The following GDA variants were observed in gnomAD, a reference collection of about 807,000 sequenced individuals.
The protein encoded by GDA is cytoplasmic PSD-95 interactor.
GDA carries 18 observed loss-of-function variants against 59.6 expected under a neutral mutation model. The observed-to-expected ratio is 0.30, with a 90% CI of 0.21 to 0.45. GDA has a LOEUF of 0.45. Among genes scored for constraint, GDA ranks in the 20% least tolerant of loss-of-function variants. The probability of loss-of-function intolerance (pLI) is 1.00; values close to 1 mark genes in which losing one functional copy is unlikely to be tolerated. For missense variants in GDA, 427 were observed against 552.3 expected (o/e 0.77, Z 2.27); for synonymous variants, 201 against 201.1 (o/e 1.00, Z 0.00).
chr9:72,200,281 C>G (rs1587613729), intron 2 of GDA, among the ~76,000 whole-genome samples: 1 of 152,130 alleles, frequency 6.6e-6, no homozygotes, highest in African/African-American at 2.4e-5. Flanking sequence ...CAGGCGTGAG[C>G]CACCGTGCCC....
chr9:72,177,026 AC>A (rs1830617332), intron 1 of GDA, among the ~76,000 whole-genome samples: 1 of 151,966 alleles, frequency 6.6e-6, no homozygotes, highest in Non-Finnish European at 1.5e-5. Context: ...TGACTGTGAA[AC>A]CTGAAATAAT....
At chr9:72,165,791 G>A (rs1829226977) in intron 1 of GDA, among the ~76,000 whole-genome samples, 2 of 129,264 alleles carry the variant, frequency 1.5e-5, no homozygotes, top group Non-Finnish European at 3.7e-5. Context: ...CCAGCTACTT[G>A]GGAGGCTGAG....
intron 1 of GDA, among the ~76,000 whole-genome samples, chr9:72,157,622 C>G (rs774247454): frequency 3.9e-5 from 6 of 152,188 alleles, no homozygotes; most frequent in Non-Finnish European, 5.9e-5. Flanking sequence ...TAAAATATAA[C>G]AGGAGACCCT....
At chr9:72,156,546 A>G (rs1827914032) in intron 1 of GDA, among the ~76,000 whole-genome samples, 1 of 152,170 alleles carries the variant, frequency 6.6e-6, no homozygotes. Context: ...CCCAATTATT[A>G]CAAGATCATC....
downstream of GDA, among the ~76,000 whole-genome samples, chr9:72,259,026 C>CTT (rs377688657): frequency 4.5e-4 from 63 of 140,020 alleles, no homozygotes; most frequent in South Asian, 7.0e-4. Flanking sequence ...AATAATAACT[C>CTT]TTTTTTTTTT....
chr9:72,203,810 CT>C (rs940083242), intron 3 of GDA, among the ~76,000 whole-genome samples: 193 of 146,348 alleles, frequency 1.3e-3, no homozygotes, highest in East Asian at 4.7e-3. Flanking sequence ...AAAGCAAGTG[CT>C]TTTTTTTTTT....
chr9:72,136,700 G>A (rs1826236232), intron 1 of GDA, among the ~76,000 whole-genome samples: 1 of 152,160 alleles, frequency 6.6e-6, no homozygotes, highest in Non-Finnish European at 1.5e-5. Context: ...ATGAGGCTGG[G>A]CACGGTGGCT....
intron 9 of GDA, among the ~76,000 whole-genome samples, chr9:72,230,567 G>A (rs1327419284): frequency 3.3e-5 from 5 of 151,342 alleles, no homozygotes; most frequent in African/African-American, 1.2e-4. Flanking sequence ...CCCAAATTCA[G>A]CCCAGGAACC....
In GDA at chr9:72,149,780, G is replaced by A. The variant is rs920245431; in HGVS notation, c.123+98G>A. 5 of 1,238,326 alleles carry A rather than the reference G, an allele frequency of 4.0e-6. No homozygotes were observed. The African/African-American group carries it at 4.8e-5, about 12-fold the overall frequency. 76.7% of individuals were successfully genotyped at this position (1,238,326 alleles called of 1,614,324 possible). ...GCGTAGCCCGGGGTTCGCTCGGTGC[G>A]CAGTGAGCGCCGCGGCTCCGGAGTT... On this transcript the variant is annotated intron_variant, in intron 1 of 13. Coordinates refer to ENST00000358399, the MANE Select transcript of GDA (RefSeq NM_004293.5).
chr9:72,121,183 ATGT>A (rs1825647656), intron 1 of GDA, among the ~76,000 whole-genome samples: 1 of 152,206 alleles, frequency 6.6e-6, no homozygotes. Context: ...TTTACGGTTG[ATGT>A]TGTTTTCTAC....
intron 1 of GDA, among the ~76,000 whole-genome samples, chr9:72,117,999 G>A (rs557787359): frequency 3.9e-4 from 59 of 152,098 alleles, no homozygotes; most frequent in Non-Finnish European, 6.9e-4. Flanking sequence ...CAGGCCAGGC[G>A]CGGTGGCTCA....
chr9:72,130,597 T>C (rs1230781654), intron 1 of GDA, among the ~76,000 whole-genome samples: 1 of 152,214 alleles, frequency 6.6e-6, no homozygotes, highest in East Asian at 1.9e-4. Flanking sequence ...TGTCTGAGGT[T>C]GAAAACCACT....
intron 11 of GDA, among the ~76,000 whole-genome samples, chr9:72,244,461 A>G (rs1839941552): frequency 6.6e-6 from 1 of 152,180 alleles, no homozygotes; most frequent in African/African-American, 2.4e-5. Flanking sequence ...CCTGTGCTCT[A>G]TTTTAGAAGA....
intron 8 of GDA, 81 bp from the exon 9 acceptor site, chr9:72,227,862 C>T (rs1301189770): frequency 1.3e-6 from 1 of 741,556 alleles, no homozygotes; most frequent in Non-Finnish European, 2.4e-6. Flanking sequence ...GCTTCGGTCT[C>T]TCTCTAAAAT....
intron 10 of GDA, among the ~76,000 whole-genome samples, chr9:72,234,157 G>A (rs922897806): frequency 3.3e-5 from 5 of 152,066 alleles, no homozygotes; most frequent in African/African-American, 7.2e-5. Context: ...TGGGCTTAAA[G>A]AGCACACACT....
chr9:72,241,050 T>C (rs1199099949), intron 10 of GDA, 102 bp from the exon 11 acceptor site: 1 of 720,968 alleles, frequency 1.4e-6, no homozygotes, highest in East Asian at 2.6e-5. Context: ...TTAAAAAAAG[T>C]ATATTAAGGA....
At chr9:72,243,294 G>T (rs1348759837) in intron 11 of GDA, among the ~76,000 whole-genome samples, 3 of 152,184 alleles carry the variant, frequency 2.0e-5, no homozygotes, top group South Asian at 2.1e-4. Context: ...TCACTGAAAA[G>T]AATTGTGTCT....
intron 1 of GDA, among the ~76,000 whole-genome samples, chr9:72,177,221 C>T (rs1294875581): frequency 1.3e-5 from 2 of 151,474 alleles, no homozygotes; most frequent in Admixed American, 6.6e-5. Context: ...GCCTCAGCCT[C>T]CCAAGTAGCT....
chr9:72,133,460 T>C (rs982304966), intron 1 of GDA, among the ~76,000 whole-genome samples: 2 of 152,108 alleles, frequency 1.3e-5, no homozygotes, highest in African/African-American at 4.8e-5. Context: ...AAATCAGCAA[T>C]GTGAATGGTT....
Sources: gnomAD v4.1 joint callset for allele counts (sites outside exome capture counted in the v4.1 genomes callset) on GRCh38, gnomAD v4.1.1 for gene constraint, MANE v1.5 for transcripts, NCBI Gene and HGNC (gene_info 2026-07-23, HGNC 2026-07-21) for gene names.